Variants in SAP30 observed in about 807,000 individuals in gnomAD.
The protein encoded by SAP30 is histone deacetylase complex subunit SAP30.
SAP30 carries 13 observed loss-of-function variants against 19.6 expected under a neutral mutation model. The ratio of observed to expected loss-of-function variants is 0.66; its 90% confidence interval spans 0.43 to 1.05. The LOEUF is 1.05. Among genes scored for constraint, SAP30 ranks in the 50% least tolerant of loss-of-function variants. The probability of loss-of-function intolerance (pLI) is 0.00; values close to 1 mark genes in which losing one functional copy is unlikely to be tolerated. For missense variants in SAP30, 257 were observed against 292.1 expected (o/e 0.88, Z 0.88); for synonymous variants, 108 against 122.7 (o/e 0.88, Z 0.79).
At chr4:173,373,566 A>G in intron 2 of SAP30, 51 bp downstream of exon 2, 1 of 1,478,650 alleles carries the variant, frequency 6.8e-7, no homozygotes. Flanking sequence ...GTGCATTCTG[A>G]AGCCTTTATA....
intron 1 of SAP30, among the ~76,000 whole-genome samples, chr4:173,372,717 A>G (rs1303426519): frequency 1.3e-5 from 2 of 152,200 alleles, no homozygotes; most frequent in East Asian, 3.8e-4. Flanking sequence ...ACTGTGAGCA[A>G]CATCATCTTT....
chr4:173,371,200 T>G lies in SAP30; in HGVS notation c.18T>G (p.Pro6=). Residue 6 remains proline, a synonymous_variant, in exon 1 of 4, where the codon CCT becomes CCG. Transcript: ENST00000296504. The surrounding 1 kb of genome is among the most constrained non-coding windows in gnomAD (Gnocchi z 6.4). ...TCGGAGACATGAACGGCTTCACGCC[T>G]GACGAGATGAGCCGCGGCGGGGATG... MNGFT[P]DEMSRGGDAA... 6.8e-7 allele frequency: 1 copy of G among 1,476,232 alleles called. No homozygotes were observed. The highest frequency in any genetic ancestry group is 8.9e-7 in the Non-Finnish European group (1 of 1,118,554). 91.4% of individuals were successfully genotyped at this position (1,476,232 alleles called of 1,614,324 possible).
rs768801883 is a variant in SAP30, at chr4:173,371,529, C to A, written c.315+32C>A. On this transcript the variant is annotated intron_variant, in intron 1 of 3. Coordinates refer to ENST00000296504, the MANE Select transcript of SAP30 (RefSeq NM_003864.4). The surrounding 1 kb of genome is among the most constrained non-coding windows in gnomAD (Gnocchi z 6.4). Reference sequence around the variant, plus strand: ...AAACCGCGGGACCGCCCTGCCCTCCCGCCCCTCGGTGGGGCCCCAGGAGCC... The same window carrying A: ...AAACCGCGGGACCGCCCTGCCCTCCAGCCCCTCGGTGGGGCCCCAGGAGCC... The A allele has an allele frequency of 2.6e-6, 4 of 1,566,536 alleles. No individual in the cohort carries two copies. Among genetic ancestry groups the A allele is most frequent in the Non-Finnish European group, 3.4e-6 (4 of 1,160,070 alleles).
At chr4:173,375,700 G>T (rs187410830) in intron 3 of SAP30, among the ~76,000 whole-genome samples, 1 of 152,262 alleles carries the variant, frequency 6.6e-6, no homozygotes, top group East Asian at 1.9e-4. Flanking sequence ...AATCAGAAAT[G>T]CAGATATTAG....
Position 173,371,316 on chromosome 4 carries a change from C to A in SAP30, c.134C>A (p.Pro45Gln), listed in dbSNP as rs1296396594. Residue 45 changes from proline (P) to glutamine (Q), a missense_variant, in exon 1 of 4, where the codon CCG becomes CAG. By Grantham distance (76) the Pro-to-Gln change is moderately conservative. Transcript: ENST00000296504. The surrounding 1 kb of genome is among the most constrained non-coding windows in gnomAD (Gnocchi z 6.4). ...GTGAGTGAEV[P>Q]GAGAVSAAGP... ...GGCGCGGGCACCGGGGCTGAGGTGCCGGGCGCGGGGGCGGTCTCAGCGGCT... is the reference window on the plus strand; with the variant it reads ...GGCGCGGGCACCGGGGCTGAGGTGCAGGGCGCGGGGGCGGTCTCAGCGGCT... The A allele has an allele frequency of 5.4e-6, 7 of 1,303,184 alleles. No individual in the cohort carries two copies. In the East Asian group the frequency reaches 1.7e-4, roughly 32 times the overall value. 80.7% of individuals were successfully genotyped at this position (1,303,184 alleles called of 1,614,324 possible). A position where few individuals can be genotyped will look rare whatever the true frequency, so the allele number is the denominator to read the frequency against.
Position 173,371,592 on chromosome 4 carries a change from A to T in SAP30, c.315+95A>T, listed in dbSNP as rs1230441100. 3 of 1,502,966 alleles carry T rather than the reference A, an allele frequency of 2.0e-6. No homozygotes were observed. Among genetic ancestry groups the T allele is most frequent in the Non-Finnish European group, 2.7e-6 (3 of 1,124,610 alleles). The allele number at this position is 1,502,966 out of a possible 1,614,324, so 93.1% of individuals were successfully genotyped here. ...GGGTTGTCGGCGGGGTCCCCCAGAC[A>T]ACCGCACTGGCTGCAGTGCGGTCTC... On this transcript the variant is annotated intron_variant, in intron 1 of 3. Coordinates refer to ENST00000296504, the MANE Select transcript of SAP30 (RefSeq NM_003864.4). The surrounding 1 kb of genome is among the most constrained non-coding windows in gnomAD (Gnocchi z 6.4).
chr4:173,371,233 CGCAGTGGCCGCAGTGGTCGCT>C lies in SAP30; in HGVS notation c.54_74del (p.Val19_Ala25del), dbSNP rs770378464. ...TGAGCCGCGGCGGGGATGCGGCCGC[CGCAGTGGCCGCAGTGGTCGCT>C]GCCGCGGCCGCCGCCGCCTCGGCGG... On this transcript the variant is annotated inframe_deletion, in exon 1 of 4. Coordinates refer to ENST00000296504, the MANE Select transcript of SAP30 (RefSeq NM_003864.4). This position sits in a 1 kb window ranked among gnomAD's most constrained non-coding sequence, Gnocchi z 6.4. The C allele has an allele frequency of 1.9e-4, 272 of 1,407,368 alleles. No individual in the cohort carries two copies. Among genetic ancestry groups the C allele is most frequent in the African/African-American group, 1.6e-3 (103 of 66,364 alleles). The allele number at this position is 1,407,368 out of a possible 1,614,324, so 87.2% of individuals were successfully genotyped here.
Position 173,371,293 on chromosome 4 carries a change from C to T in SAP30, c.111C>T (p.Gly37=), listed in dbSNP as rs1560822231. 1.6e-6 allele frequency: 2 copies of T among 1,239,440 alleles called. No individual in the cohort carries two copies. The highest frequency in any genetic ancestry group is 2.0e-6 in the Non-Finnish European group (2 of 996,836). The allele number at this position is 1,239,440 out of a possible 1,614,324, so 76.8% of individuals were successfully genotyped here. The change falls in exon 1 of 4, where the codon GGC becomes GGT. Residue 37 remains glycine (G), a synonymous_variant. Transcript: ENST00000296504. This position sits in a 1 kb window ranked among gnomAD's most constrained non-coding sequence, Gnocchi z 6.4. ...CCGCCTCGGCGGGGAACGGGACCGG[C>T]GCGGGCACCGGGGCTGAGGTGCCGG... ...AAAASAGNGT[G]AGTGAEVPGA...
In SAP30 at chr4:173,371,131, C is replaced by A. The variant is rs377278254; in HGVS notation, c.-52C>A. On this transcript the variant is annotated 5_prime_UTR_variant, in exon 1 of 4. Coordinates refer to ENST00000296504, the MANE Select transcript of SAP30 (RefSeq NM_003864.4). This position sits in a 1 kb window ranked among gnomAD's most constrained non-coding sequence, Gnocchi z 6.4. ...GCTGCCGGAGCGGAGAGAGGCGGAG[C>A]GGCCAGGAGAGAGGGGATTTCTGTC... 1.4e-6 allele frequency: 2 copies of A among 1,406,132 alleles called. No individual in the cohort carries two copies. Among genetic ancestry groups the A allele is most frequent in the Non-Finnish European group, 1.9e-6 (2 of 1,078,432 alleles). The allele number at this position is 1,406,132 out of a possible 1,614,324, so 87.1% of individuals were successfully genotyped here.
chr4:173,371,618 G>T lies in SAP30; in HGVS notation c.315+121G>T, dbSNP rs1738936570. On this transcript the variant is annotated intron_variant, in intron 1 of 3. Transcript: ENST00000296504. The surrounding 1 kb of genome is among the most constrained non-coding windows in gnomAD (Gnocchi z 6.4). Reference sequence around the variant, plus strand: ...ACCGCACTGGCTGCAGTGCGGTCTCGTGGAGTCTGTGTTTGGAAGCAAATA... The same window carrying T: ...ACCGCACTGGCTGCAGTGCGGTCTCTTGGAGTCTGTGTTTGGAAGCAAATA... 6.9e-7 allele frequency: 1 copy of T among 1,440,180 alleles called. No homozygotes were observed. The highest frequency in any genetic ancestry group is 2.5e-5 in the Admixed American group (1 of 39,746). 89.2% of individuals were successfully genotyped at this position (1,440,180 alleles called of 1,614,324 possible). A position where few individuals can be genotyped will look rare whatever the true frequency, so the allele number is the denominator to read the frequency against.
chr4:173,376,868 C>CA (rs1312390083), intron 3 of SAP30, among the ~76,000 whole-genome samples: 1 of 151,972 alleles, frequency 6.6e-6, no homozygotes, highest in Non-Finnish European at 1.5e-5. Flanking sequence ...GTGATCCACC[C>CA]ACCTCTGCCT....
intron 1 of SAP30, 38 bp from the exon 2 acceptor site, chr4:173,373,352 T>A: frequency 6.4e-7 from 1 of 1,556,190 alleles, no homozygotes; most frequent in South Asian, 1.2e-5. Context: ...CACATTTTAC[T>A]GTAATCATAA....
chr4:173,374,689 A>C (rs1463748496), intron 3 of SAP30, among the ~76,000 whole-genome samples: 1 of 152,218 alleles, frequency 6.6e-6, no homozygotes, highest in Non-Finnish European at 1.5e-5. Context: ...GCATAATAAA[A>C]TTAATTAACA....
At position 173,371,373 on chromosome 4, in the gene SAP30, G is replaced by C; in HGVS notation, c.191G>C (p.Gly64Ala). Residue 64 changes from glycine to alanine, a missense_variant, in exon 1 of 4, where the codon GGG becomes GCG. Physicochemically the swap from Gly to Ala is moderately conservative, Grantham distance 60 (BLOSUM62 0). Coordinates refer to ENST00000296504, the MANE Select transcript of SAP30 (RefSeq NM_003864.4). The surrounding 1 kb of genome is among the most constrained non-coding windows in gnomAD (Gnocchi z 6.4). The stretch of plus-strand genomic sequence containing the variant: ...CCGGGGGCGGCCGGGCCGGGCCCCG[G>C]GCAACTGTGCTGCCTGCGGGAGGAT... Reference protein sequence around the residue: ...GPPGAAGPGPGQLCCLREDGE... With the variant: ...GPPGAAGPGPAQLCCLREDGE... The C allele has an allele frequency of 6.5e-7, 1 of 1,543,246 alleles. No individual in the cohort carries two copies. The highest frequency in any genetic ancestry group is 8.7e-7 in the Non-Finnish European group (1 of 1,154,898).
In SAP30 at chr4:173,373,508, C is replaced by A; in HGVS notation, c.434C>A (p.Thr145Asn). 1 of 1,597,614 alleles carries A rather than the reference C, an allele frequency of 6.3e-7. No homozygotes were observed. The highest frequency in any genetic ancestry group is 8.5e-7 in the Non-Finnish European group (1 of 1,173,128). Residue 145 changes from threonine (T) to asparagine (N), a missense_variant, in exon 2 of 4, where the codon ACC (threonine) becomes AAC (asparagine). Thr to Asn is a moderately conservative substitution (Grantham distance 65). Coordinates refer to ENST00000296504, the MANE Select transcript of SAP30 (RefSeq NM_003864.4). ...GGDSPVQDID[T>N]PEVDLYQLQV... ...GATTCACCTGTTCAAGATATTGATA[C>A]CCCAGAGGTAGATGGAAGTTTTTTA...
At chr4:173,373,280 C>T in intron 1 of SAP30, 110 bp from the exon 2 acceptor site, 2 of 885,260 alleles carry the variant, frequency 2.3e-6, no homozygotes, top group South Asian at 4.6e-5. Context: ...AACAATGGCC[C>T]ATCTTGGCTG....
Position 173,371,612 on chromosome 4 carries a change from G to C in SAP30, c.315+115G>C. 3 of 1,464,064 alleles carry C rather than the reference G, an allele frequency of 2.0e-6. No homozygotes were observed. The Admixed American group carries it at 6.8e-5, about 33-fold the overall frequency. 90.7% of individuals were successfully genotyped at this position (1,464,064 alleles called of 1,614,324 possible). On this transcript the variant is annotated intron_variant, in intron 1 of 3. Transcript: ENST00000296504. The surrounding 1 kb of genome is among the most constrained non-coding windows in gnomAD (Gnocchi z 6.4). Reference sequence around the variant, plus strand: ...CAGACAACCGCACTGGCTGCAGTGCGGTCTCGTGGAGTCTGTGTTTGGAAG... The same window carrying C: ...CAGACAACCGCACTGGCTGCAGTGCCGTCTCGTGGAGTCTGTGTTTGGAAG...
At chr4:173,376,825 T>A (rs1383572495) in intron 3 of SAP30, among the ~76,000 whole-genome samples, 1 of 152,194 alleles carries the variant, frequency 6.6e-6, no homozygotes, top group Admixed American at 6.5e-5. Context: ...TTTCGTCATG[T>A]TGCTCAGGCT....
At chr4:173,374,964 A>G (rs571377616) in intron 3 of SAP30, among the ~76,000 whole-genome samples, 17 of 151,538 alleles carry the variant, frequency 1.1e-4, no homozygotes, top group African/African-American at 3.9e-4. Flanking sequence ...CGGAGCATGC[A>G]TATGTTTTCA....
Sources: allele counts gnomAD v4.1 joint callset (sites outside exome capture counted in the v4.1 genomes callset), GRCh38; gene constraint gnomAD v4.1.1; non-coding constraint Gnocchi (gnomAD v3.1); transcripts MANE v1.5; gene names NCBI Gene and HGNC (gene_info 2026-07-23, HGNC 2026-07-21).